WIF1: variants seen among roughly 807,000 people sequenced by gnomAD.
The protein encoded by WIF1 is Wnt inhibitory factor 1.
A neutral mutation model predicts 53.5 loss-of-function variants in WIF1; 35 were observed. The observed-to-expected ratio is 0.65, with a 90% CI of 0.50 to 0.87. WIF1 has a LOEUF of 0.87. Among genes scored for constraint, WIF1 ranks in the 40% least tolerant of loss-of-function variants. The pLI is 0.00. For synonymous variants in WIF1, 171 were observed against 170.4 expected (o/e 1.00, Z -0.03); for missense variants, 467 against 476.8 (o/e 0.98, Z 0.19).
chr12:65,096,583 A>G lies in WIF1; in HGVS notation c.289-18729T>C, dbSNP rs142698353. On this transcript the variant is annotated intron_variant, in intron 2 of 9. Transcript: ENST00000286574. ...CATGCACACATATGTTTATTGCAGC[A>G]CTATGTACAATAGCAAAGACTTGTA... Among the ~76,000 whole-genome samples the G allele has an allele frequency of 1.1e-4, 16 of 152,332 alleles. No individual in the cohort carries two copies. The East Asian group carries it at 2.5e-3, about 24-fold the overall frequency.
At chr12:65,066,218 T>C (rs532140634) in intron 6 of WIF1, among the ~76,000 whole-genome samples, 1 of 152,304 alleles carries the variant, frequency 6.6e-6, no homozygotes, top group Admixed American at 6.5e-5. Flanking sequence ...TTCCTACCTA[T>C]GGAATAGGTG....
chr12:65,120,764 G>T (rs1883589079), intron 1 of WIF1: 4 of 788,542 alleles, frequency 5.1e-6, no homozygotes, highest in Admixed American at 6.6e-5. Flanking sequence ...CAGGGAAAAG[G>T]GATGGACATG....
Position 65,050,691 on chromosome 12 carries a change from A to G in WIF1, c.*658T>C. On this transcript the variant is annotated 3_prime_UTR_variant, in exon 10 of 10. Coordinates refer to ENST00000286574, the MANE Select transcript of WIF1 (RefSeq NM_007191.5). ...CAGTATAAAATGTTTATTAGGTAAG[A>G]GCTGTGTTTTGTTTACAATATATTA... The G allele has an allele frequency of 5.5e-6, 1 of 183,074 alleles. No homozygotes were observed. Among genetic ancestry groups the G allele is most frequent in the East Asian group, 9.0e-5 (1 of 11,158 alleles). The allele number at this position is 183,074 out of a possible 1,614,324, so 11.3% of individuals were successfully genotyped here.
chr12:65,067,765 A>G lies in WIF1; in HGVS notation c.564T>C (p.Asn188=). The change falls in exon 5 of 10, where the codon AAT becomes AAC. Residue 188 remains asparagine, a synonymous_variant. Coordinates refer to ENST00000286574, the MANE Select transcript of WIF1 (RefSeq NM_007191.5). ...TGCGTCTTTCATTACAAAAGCCTCC[A>G]TTTCGGCACCCGCCTGGGCACTCAG... The part of the protein sequence containing the change: ...QQAECPGGCR[N]GGFCNERRIC... 1 of 1,613,208 alleles carries G rather than the reference A, an allele frequency of 6.2e-7. No homozygotes were observed. The highest frequency in any genetic ancestry group is 8.5e-7 in the Non-Finnish European group (1 of 1,179,420).
intron 2 of WIF1, among the ~76,000 whole-genome samples, chr12:65,087,345 A>G (rs1394295139): frequency 6.6e-6 from 1 of 152,210 alleles, no homozygotes; most frequent in African/African-American, 2.4e-5. Flanking sequence ...AGTAGCACAT[A>G]TAAGTAACTT....
intron 4 of WIF1, among the ~76,000 whole-genome samples, chr12:65,068,461 G>A (rs1267661582): frequency 1.3e-5 from 2 of 152,126 alleles, no homozygotes; most frequent in Non-Finnish European, 2.9e-5. Flanking sequence ...AGATACACTG[G>A]GACTCCCAAC....
intron 2 of WIF1, among the ~76,000 whole-genome samples, chr12:65,117,125 G>C (rs1883524719): frequency 6.6e-6 from 1 of 151,716 alleles, no homozygotes; most frequent in Non-Finnish European, 1.5e-5. Flanking sequence ...ACCCTAAGTT[G>C]TATCTATTTT....
chr12:65,060,154 CA>C (rs889526155), intron 7 of WIF1, among the ~76,000 whole-genome samples: 30 of 152,106 alleles, frequency 2.0e-4, no homozygotes, highest in African/African-American at 7.0e-4. Flanking sequence ...GGTAGTTCCT[CA>C]AAAAAGTTGT....
chr12:65,051,381 G>T lies in WIF1; in HGVS notation c.1108C>A (p.Arg370=), dbSNP rs778038947. 1 of 1,613,810 alleles carries T rather than the reference G, an allele frequency of 6.2e-7. No individual in the cohort carries two copies. The change falls in exon 10 of 10, where the codon CGG becomes AGG. Residue 370 remains arginine, a synonymous_variant. Coordinates refer to ENST00000286574, the MANE Select transcript of WIF1 (RefSeq NM_007191.5). The part of the protein sequence containing the change: ...TPSLKKAEER[R]DPPESNYIW ...ATGTAATTGGATTCAGGTGGATCCC[G>T]CCGCTCCTCGGCCTTTTTAAGTGAA...
At chr12:65,080,615 T>G (rs1882934489) in intron 2 of WIF1, among the ~76,000 whole-genome samples, 1 of 152,208 alleles carries the variant, frequency 6.6e-6, no homozygotes, top group African/African-American at 2.4e-5. Flanking sequence ...GTATTTTATT[T>G]GGCACTATGA....
chr12:65,091,251 G>GA (rs950755479), intron 2 of WIF1, among the ~76,000 whole-genome samples: 2 of 149,722 alleles, frequency 1.3e-5, no homozygotes, highest in African/African-American at 4.9e-5. Flanking sequence ...TTTAAGGAAT[G>GA]AAAAAAAGAA....
intron 9 of WIF1, among the ~76,000 whole-genome samples, chr12:65,053,351 C>T (rs1882471097): frequency 6.6e-6 from 1 of 152,200 alleles, no homozygotes; most frequent in South Asian, 2.1e-4. Context: ...ACCCAAATCT[C>T]ATCTTGAATT....
chr12:65,097,580 C>T (rs985569132), intron 2 of WIF1, among the ~76,000 whole-genome samples: 1 of 152,142 alleles, frequency 6.6e-6, no homozygotes, highest in Non-Finnish European at 1.5e-5. Flanking sequence ...TATGAAGATG[C>T]TCAAGTTGCC....
intron 9 of WIF1, among the ~76,000 whole-genome samples, chr12:65,053,368 C>A (rs1882471494): frequency 6.6e-6 from 1 of 152,054 alleles, no homozygotes; most frequent in African/African-American, 2.4e-5. Context: ...AATTGTAATC[C>A]CCATAATCCC....
chr12:65,120,299 T>C (rs764505316), intron 2 of WIF1, 118 bp downstream of exon 2: 30 of 1,061,624 alleles, frequency 2.8e-5, no homozygotes, highest in Non-Finnish European at 3.7e-5. Flanking sequence ...GCTTTGGCAA[T>C]CAGATGAGAA....
chr12:65,106,940 C>T (rs1206627923), intron 2 of WIF1, among the ~76,000 whole-genome samples: 2 of 152,196 alleles, frequency 1.3e-5, no homozygotes, highest in African/African-American at 4.8e-5. Context: ...ATGAATCATT[C>T]ACATTTTTAA....
chr12:65,097,590 C>T (rs1429905174), intron 2 of WIF1, among the ~76,000 whole-genome samples: 1 of 152,154 alleles, frequency 6.6e-6, no homozygotes, highest in Non-Finnish European at 1.5e-5. Context: ...CTCAAGTTGC[C>T]TACTTCTTTT....
At chr12:65,074,259 A>T (rs1403780654) in intron 3 of WIF1, among the ~76,000 whole-genome samples, 2 of 151,974 alleles carry the variant, frequency 1.3e-5, no homozygotes, top group African/African-American at 4.8e-5. Flanking sequence ...CTAGACACAA[A>T]AAGTGAAAAA....
At position 65,121,093 on chromosome 12, in the gene WIF1, C is replaced by T. The variant is rs1345607391; in HGVS notation, c.99G>A (p.Glu33=). Residue 33 remains glutamate, a synonymous_variant, in exon 1 of 10, where the codon GAG becomes GAA. Coordinates refer to ENST00000286574, the MANE Select transcript of WIF1 (RefSeq NM_007191.5). ...CATCGATCCATAGGTACAGGCTCTC[C>T]TCCTGCGGCGGCCCGGCCTCCGCCC... ...ALRAEAGPPQ[E]ESLYLWIDAH... is the part of the protein sequence containing the mutation. 6.5e-7 allele frequency: 1 copy of T among 1,545,938 alleles called. No individual in the cohort carries two copies. The highest frequency in any genetic ancestry group is 2.0e-5 in the Admixed American group (1 of 50,532).
Sources: gnomAD v4.1 joint callset for allele counts (sites outside exome capture counted in the v4.1 genomes callset) on GRCh38, gnomAD v4.1.1 for gene constraint, MANE v1.5 for transcripts, NCBI Gene and HGNC (gene_info 2026-07-23, HGNC 2026-07-21) for gene names.